Variants in CACNA2D3 observed in about 807,000 individuals in gnomAD.
CACNA2D3 encodes the protein voltage-dependent calcium channel subunit alpha-2/delta-3.
A neutral mutation model predicts 160.6 loss-of-function variants in CACNA2D3; 60 were observed. The ratio of observed to expected loss-of-function variants is 0.37; its 90% CI spans 0.30 to 0.46. CACNA2D3 has a LOEUF of 0.46. CACNA2D3 is among the 20% of genes least tolerant of loss of function. CACNA2D3 has a pLI of 1.00. For missense variants in CACNA2D3, 1,205 were observed against 1,365.0 expected (o/e 0.88, Z 1.85); for synonymous variants, 558 against 492.9 (o/e 1.13, Z -1.75).
intron 5 of CACNA2D3, among the ~76,000 whole-genome samples, chr3:54,541,455 A>G (rs940886363): frequency 2.6e-5 from 4 of 152,232 alleles, no homozygotes; most frequent in African/African-American, 9.6e-5. Flanking sequence ...GGGGATTAGG[A>G]CAGTTTCTGC....
intron 27 of CACNA2D3, among the ~76,000 whole-genome samples, chr3:54,950,226 A>G (rs2107013004): frequency 6.6e-6 from 1 of 152,376 alleles, no homozygotes; most frequent in Middle Eastern, 3.4e-3. Context: ...CAACATGCTC[A>G]AGCAATGTTT....
At chr3:54,485,751 A>T (rs1175881858) in intron 4 of CACNA2D3, among the ~76,000 whole-genome samples, 8 of 152,018 alleles carry the variant, frequency 5.3e-5, no homozygotes, top group Admixed American at 5.2e-4. Context: ...TTTAGTAGAG[A>T]TGGGGTTTCA....
intron 5 of CACNA2D3, among the ~76,000 whole-genome samples, chr3:54,539,033 A>G (rs973286046): frequency 2.0e-5 from 3 of 152,174 alleles, no homozygotes; most frequent in African/African-American, 4.8e-5. Context: ...TGAGAATTAC[A>G]TTAGTACTCA....
In CACNA2D3 at chr3:54,129,995, C is replaced by A. The variant is rs1194421099; in HGVS notation, c.204+6401C>A. Among the ~76,000 whole-genome samples, 3 of 152,210 alleles carry A rather than the reference C, an allele frequency of 2.0e-5. No homozygotes were observed. The South Asian group carries it at 6.2e-4, about 31-fold the overall frequency. ...ACAGAACTGAGTCACGCCAGTCCAACAGGCATGGATTTGTTCAGCGTCTGG... is the reference window on the plus strand; with the variant it reads ...ACAGAACTGAGTCACGCCAGTCCAAAAGGCATGGATTTGTTCAGCGTCTGG... On this transcript the variant is annotated intron_variant, in intron 2 of 37. Transcript: ENST00000474759.
At chr3:54,503,713 G>A (rs1701326926) in intron 5 of CACNA2D3, 59 bp downstream of exon 5, 2 of 1,492,940 alleles carry the variant, frequency 1.3e-6, no homozygotes, top group African/African-American at 2.8e-5. Flanking sequence ...TTGAGAAGCA[G>A]GGGCTGGCTG....
intron 9 of CACNA2D3, among the ~76,000 whole-genome samples, chr3:54,597,001 T>C (rs1263284340): frequency 6.6e-6 from 1 of 152,086 alleles, no homozygotes; most frequent in Non-Finnish European, 1.5e-5. Context: ...AACATTGTGG[T>C]CACCACTGTC....
At chr3:54,865,420 C>T (rs553178776) in intron 17 of CACNA2D3, among the ~76,000 whole-genome samples, 1 of 152,346 alleles carries the variant, frequency 6.6e-6, no homozygotes, top group South Asian at 2.1e-4. Flanking sequence ...ATGCCCCCCA[C>T]CTTCCCGCTA....
chr3:55,065,949 T>G (rs1387060555), intron 35 of CACNA2D3, among the ~76,000 whole-genome samples: 1 of 152,182 alleles, frequency 6.6e-6, no homozygotes, highest in Non-Finnish European at 1.5e-5. Context: ...GAGAAAATAT[T>G]TGTGTATTTC....
chr3:54,810,076 G>C (rs941929832), intron 13 of CACNA2D3, among the ~76,000 whole-genome samples: 5 of 152,198 alleles, frequency 3.3e-5, no homozygotes, highest in African/African-American at 1.2e-4. Context: ...CATGGGTAGG[G>C]AATCAGTGAG....
intron 12 of CACNA2D3, 143 bp downstream of exon 12, chr3:54,752,820 G>A (rs888870042): frequency 2.0e-5 from 11 of 549,546 alleles, no homozygotes; most frequent in South Asian, 3.0e-5. Context: ...GACTTGTAAC[G>A]GTTTCTTCCA....
chr3:54,141,061 C>CTGTGTGTGTGTGTGTT (rs369325773), intron 2 of CACNA2D3, among the ~76,000 whole-genome samples: 1 of 129,480 alleles, frequency 7.7e-6, no homozygotes, highest in African/African-American at 3.1e-5. Context: ...CAGGTGAAAC[C>CTGTGTGTGTGTGTGTT]TGTGTGTGTG....
At chr3:54,379,969 TC>T in intron 3 of CACNA2D3, among the ~76,000 whole-genome samples, 1 of 152,198 alleles carries the variant, frequency 6.6e-6, no homozygotes, top group East Asian at 1.9e-4. Flanking sequence ...GTCTAATTGC[TC>T]TAGCTACAAA....
In CACNA2D3 at chr3:55,074,302, C is replaced by A. The variant is rs1704898838; in HGVS notation, c.*96C>A. On this transcript the variant is annotated 3_prime_UTR_variant, in exon 38 of 38. Coordinates refer to ENST00000474759, the MANE Select transcript of CACNA2D3 (RefSeq NM_018398.3). ...CCAAAATATGGTGCAACATACGAGACATGAATATAGTCCAACCATCAGCAT... is the reference window on the plus strand; with the variant it reads ...CCAAAATATGGTGCAACATACGAGAAATGAATATAGTCCAACCATCAGCAT... The A allele has an allele frequency of 4.3e-6, 4 of 936,892 alleles. No individual in the cohort carries two copies. Among genetic ancestry groups the A allele is most frequent in the Non-Finnish European group, 7.0e-6 (4 of 568,808 alleles). 58.0% of individuals were successfully genotyped at this position (936,892 alleles called of 1,614,324 possible).
At chr3:54,334,074 A>C (rs1182119835) in intron 3 of CACNA2D3, among the ~76,000 whole-genome samples, 1 of 152,050 alleles carries the variant, frequency 6.6e-6, no homozygotes, top group Non-Finnish European at 1.5e-5. Flanking sequence ...CATTTGTTTT[A>C]TGTGTTGACT....
At chr3:54,675,421 G>A (rs927306058) in intron 11 of CACNA2D3, among the ~76,000 whole-genome samples, 2 of 152,176 alleles carry the variant, frequency 1.3e-5, no homozygotes, top group African/African-American at 4.8e-5. Flanking sequence ...GGATCTAGGT[G>A]TTGAGGGCTG....
chr3:54,631,119 G>A (rs1046820076), intron 10 of CACNA2D3, among the ~76,000 whole-genome samples: 5 of 151,814 alleles, frequency 3.3e-5, no homozygotes, highest in Non-Finnish European at 5.9e-5. Flanking sequence ...CAGGAGAATC[G>A]CTTGAACCCA....
chr3:54,970,974 A>G (rs1335052366), intron 29 of CACNA2D3, among the ~76,000 whole-genome samples: 1 of 152,140 alleles, frequency 6.6e-6, no homozygotes, highest in Non-Finnish European at 1.5e-5. Flanking sequence ...TAGGAAGTAG[A>G]TTTCAAAAAG....
At chr3:54,165,114 A>ATTTTTT (rs397961895) in intron 2 of CACNA2D3, among the ~76,000 whole-genome samples, 28 of 117,856 alleles carry the variant, frequency 2.4e-4, no homozygotes, top group South Asian at 6.1e-4. Flanking sequence ...TCTGAATCTC[A>ATTTTTT]TTTTTTTTTT....
At chr3:54,994,869 T>C (rs1307619674) in intron 31 of CACNA2D3, among the ~76,000 whole-genome samples, 2 of 152,222 alleles carry the variant, frequency 1.3e-5, no homozygotes, top group Non-Finnish European at 2.9e-5. Flanking sequence ...TCATGTCTTC[T>C]CCATAGTTGG....
Sources: allele counts gnomAD v4.1 joint callset (sites outside exome capture counted in the v4.1 genomes callset), GRCh38; gene constraint gnomAD v4.1.1; transcripts MANE v1.5; gene names NCBI Gene and HGNC (gene_info 2026-07-23, HGNC 2026-07-21).